Variants in SMAP1 observed in about 807,000 individuals in gnomAD.
SMAP1 encodes small ArfGAP 1.
In SMAP1, 24 loss-of-function variants were observed where a neutral mutation model predicts 58.5. The ratio of observed to expected loss-of-function variants is 0.41; its 90% CI spans 0.30 to 0.58. The LOEUF is 0.58. Ranked by LOEUF, SMAP1 falls within the 20% of genes least tolerant of loss-of-function variation. The pLI, the probability that SMAP1 is intolerant of heterozygous loss-of-function variation, is 0.29. For missense variants in SMAP1, 563 were observed against 566.3 expected (o/e 0.99, Z 0.06); for synonymous variants, 216 against 196.6 (o/e 1.10, Z -0.82).
intron 2 of SMAP1, among the ~76,000 whole-genome samples, chr6:70,749,846 C>T (rs1358448950): frequency 6.6e-6 from 1 of 152,146 alleles, no homozygotes; most frequent in Non-Finnish European, 1.5e-5. Flanking sequence ...GAGGCTTAGC[C>T]ACTGAGCATG....
intron 1 of SMAP1, among the ~76,000 whole-genome samples, chr6:70,681,597 A>G (rs926788152): frequency 2.6e-5 from 4 of 152,182 alleles, no homozygotes; most frequent in African/African-American, 9.7e-5. Flanking sequence ...GGTCTGAGTA[A>G]AGATTTTGCA....
intron 1 of SMAP1, among the ~76,000 whole-genome samples, chr6:70,675,402 G>C (rs1766442236): frequency 6.6e-6 from 1 of 151,748 alleles, no homozygotes; most frequent in Non-Finnish European, 1.5e-5. Context: ...TGTAATCCCA[G>C]CATGTTGGGA....
At chr6:70,781,830 C>T (rs1767774244) in intron 4 of SMAP1, among the ~76,000 whole-genome samples, 5 of 152,072 alleles carry the variant, frequency 3.3e-5, no homozygotes, top group South Asian at 2.1e-4. Flanking sequence ...ACTTGTTTTA[C>T]GTGGTCAGTT....
intron 4 of SMAP1, among the ~76,000 whole-genome samples, chr6:70,783,827 T>C (rs1767876583): frequency 6.6e-6 from 1 of 152,192 alleles, no homozygotes; most frequent in African/African-American, 2.4e-5. Context: ...TACGCCTGAT[T>C]GGTGTACCTG....
intron 6 of SMAP1, among the ~76,000 whole-genome samples, chr6:70,823,485 C>T (rs1308481531): frequency 6.6e-6 from 1 of 152,070 alleles, no homozygotes; most frequent in Non-Finnish European, 1.5e-5. Flanking sequence ...CTCTTCAGGG[C>T]AGGCCTTGTT....
intron 1 of SMAP1, among the ~76,000 whole-genome samples, chr6:70,705,464 G>A (rs1767802276): frequency 1.3e-5 from 2 of 152,002 alleles, no homozygotes; most frequent in Non-Finnish European, 2.9e-5. Flanking sequence ...TGTTGGCCAG[G>A]CTGGTCTCAA....
chr6:70,816,976 A>G (rs889693148), intron 6 of SMAP1, among the ~76,000 whole-genome samples: 3 of 151,998 alleles, frequency 2.0e-5, no homozygotes, highest in African/African-American at 4.8e-5. Context: ...TATTTCGGAT[A>G]TATTTGTGAT....
At chr6:70,769,318 G>C (rs1160046763) in intron 3 of SMAP1, among the ~76,000 whole-genome samples, 2 of 152,118 alleles carry the variant, frequency 1.3e-5, no homozygotes, top group African/African-American at 4.8e-5. Flanking sequence ...TTAACTTTCT[G>C]TCTCGTTGAT....
intron 1 of SMAP1, among the ~76,000 whole-genome samples, chr6:70,711,818 T>A (rs1228910888): frequency 6.6e-6 from 1 of 152,148 alleles, no homozygotes; most frequent in Non-Finnish European, 1.5e-5. Flanking sequence ...TGGCCTAATA[T>A]GTATATATTT....
intron 6 of SMAP1, among the ~76,000 whole-genome samples, chr6:70,803,956 A>T (rs1038269440): frequency 6.6e-6 from 1 of 152,200 alleles, no homozygotes; most frequent in Non-Finnish European, 1.5e-5. Flanking sequence ...AGAAGAATGT[A>T]TATTCTGTTG....
chr6:70,753,495 G>A (rs911040244), intron 2 of SMAP1, among the ~76,000 whole-genome samples: 1 of 151,896 alleles, frequency 6.6e-6, no homozygotes, highest in African/African-American at 2.4e-5. Context: ...TTCCCATCAC[G>A]GCACAAAGAT....
rs372414332 is a variant in SMAP1, at chr6:70,773,380, T to C, written c.369T>C (p.Tyr123=). The C allele has an allele frequency of 2.0e-5, 32 of 1,574,318 alleles. No homozygotes were observed. Among genetic ancestry groups the C allele is most frequent in the Non-Finnish European group, 2.6e-5 (30 of 1,151,312 alleles). ...TGGAATTTTTCATCAGAGATAAATATGAAAAGAAGAAATACTACGATAAAA... is the reference window on the plus strand; with the variant it reads ...TGGAATTTTTCATCAGAGATAAATACGAAAAGAAGAAATACTACGATAAAA... The part of the protein sequence containing the change: ...QAVEFFIRDK[Y]EKKKYYDKNA... Residue 123 remains tyrosine (Y), a synonymous_variant, in exon 4 of 11, where the codon TAT becomes TAC. Transcript: ENST00000370455.
At chr6:70,831,134 G>A (rs540632393) in intron 6 of SMAP1, among the ~76,000 whole-genome samples, 1 of 152,270 alleles carries the variant, frequency 6.6e-6, no homozygotes, top group East Asian at 1.9e-4. Flanking sequence ...AATAGCTGAG[G>A]CCAGCCATGA....
chr6:70,808,689 C>A (rs1025431783), intron 6 of SMAP1, among the ~76,000 whole-genome samples: 1 of 152,138 alleles, frequency 6.6e-6, no homozygotes, highest in Non-Finnish European at 1.5e-5. Flanking sequence ...GGGACTGATT[C>A]CAAACATCAT....
At chr6:70,820,482 C>A (rs541888340) in intron 6 of SMAP1, among the ~76,000 whole-genome samples, 1 of 152,080 alleles carries the variant, frequency 6.6e-6, no homozygotes, top group Non-Finnish European at 1.5e-5. Context: ...GAGGCCGAGG[C>A]GGGCGGATCA....
Position 70,861,601 on chromosome 6 carries a change from C to CCAAA in SMAP1, c.*1270_*1273dup, listed in dbSNP as rs1310954677. 10 of 1,489,766 alleles carry CCAAA rather than the reference C, an allele frequency of 6.7e-6. No individual in the cohort carries two copies. The African/African-American group carries it at 1.1e-4, about 16-fold the overall frequency. 92.3% of individuals were successfully genotyped at this position (1,489,766 alleles called of 1,614,324 possible). On this transcript the variant is annotated 3_prime_UTR_variant, in exon 11 of 11. Coordinates refer to ENST00000370455, the MANE Select transcript of SMAP1 (RefSeq NM_001044305.3). Reference sequence around the variant, plus strand: ...ACCTGAATGCTCTGTAGCCTAAACTCCAAACATCCTCTTCCATATGGATCC... The same window carrying CCAAA: ...ACCTGAATGCTCTGTAGCCTAAACTCCAAACAAACATCCTCTTCCATATGGATCC...
At chr6:70,727,520 A>G (rs377655823) in intron 1 of SMAP1, among the ~76,000 whole-genome samples, 9 of 152,346 alleles carry the variant, frequency 5.9e-5, no homozygotes, top group African/African-American at 1.7e-4. Flanking sequence ...ACTTATTACT[A>G]TAACCATTAT....
chr6:70,758,487 T>A (rs915430836), intron 3 of SMAP1, among the ~76,000 whole-genome samples: 1 of 151,614 alleles, frequency 6.6e-6, no homozygotes, highest in African/African-American at 2.4e-5. Flanking sequence ...AACCTGCACA[T>A]TGTGCACATG....
chr6:70,842,455 G>A (rs1431589910), intron 7 of SMAP1, among the ~76,000 whole-genome samples: 2 of 152,142 alleles, frequency 1.3e-5, no homozygotes, highest in East Asian at 1.9e-4. Flanking sequence ...CACCAGAAAC[G>A]GGTGCCGCTG....
Sources: gnomAD v4.1 joint callset for allele counts (sites outside exome capture counted in the v4.1 genomes callset) on GRCh38, gnomAD v4.1.1 for gene constraint, MANE v1.5 for transcripts, NCBI Gene and HGNC (gene_info 2026-07-23, HGNC 2026-07-21) for gene names.